PCDHA8: variants seen among roughly 807,000 people sequenced by gnomAD.
The protein encoded by PCDHA8 is protocadherin alpha-8.
Under a neutral mutation model 61.8 loss-of-function variants are expected in PCDHA8, and 53 were observed. The ratio of observed to expected loss-of-function variants is 0.86; its 90% CI spans 0.69 to 1.08. The LOEUF (loss-of-function observed/expected upper bound fraction) is 1.08. Ranked by LOEUF, PCDHA8 falls within the 50% of genes least tolerant of loss-of-function variation. The probability of loss-of-function intolerance (pLI) is 0.00; values close to 1 mark genes in which losing one functional copy is unlikely to be tolerated. For synonymous variants in PCDHA8, 618 were observed against 556.6 expected (o/e 1.11, Z -1.55); for missense variants, 1,293 against 1,245.0 (o/e 1.04, Z -0.58).
At position 140,877,685 on chromosome 5, in the gene PCDHA8, C is replaced by T. The variant is rs377753884; in HGVS notation, c.2394+33970C>T. On this transcript the variant is annotated intron_variant, in intron 1 of 3. Transcript: ENST00000531613. Reference sequence around the variant, plus strand: ...AGCCGGTGCGCGCCGGGCAAGCCCACGCTGGTGTGCTCCAGCGCCGTGGGG... The same window carrying T: ...AGCCGGTGCGCGCCGGGCAAGCCCATGCTGGTGTGCTCCAGCGCCGTGGGG... 3.4e-5 allele frequency: 55 copies of T among 1,613,628 alleles called. No homozygotes were observed. Among genetic ancestry groups the T allele is most frequent in the Non-Finnish European group, 4.6e-5 (54 of 1,179,904 alleles).
At chr5:141,000,412 TATATATA>T (rs1563651366) in intron 3 of PCDHA8, among the ~76,000 whole-genome samples, 7 of 102,770 alleles carry the variant, frequency 6.8e-5, no homozygotes, top group African/African-American at 2.7e-4. Context: ...TATATATATA[TATATATA>T]TATTTTTTTT....
chr5:140,921,151 A>AT (rs11299094), intron 1 of PCDHA8, among the ~76,000 whole-genome samples: 2 of 151,512 alleles, frequency 1.3e-5, no homozygotes. Context: ...CAGCTAATGC[A>AT]TTTTTTTTTT....
chr5:140,997,375 G>A (rs983164883), intron 3 of PCDHA8, among the ~76,000 whole-genome samples: 1 of 152,066 alleles, frequency 6.6e-6, no homozygotes, highest in Non-Finnish European at 1.5e-5. Flanking sequence ...AGATGATATA[G>A]CATACTACAC....
At chr5:140,972,415 A>G (rs1048437043) in intron 1 of PCDHA8, among the ~76,000 whole-genome samples, 2 of 152,138 alleles carry the variant, frequency 1.3e-5, no homozygotes, top group East Asian at 3.9e-4. Flanking sequence ...AACCCTGTTA[A>G]GATCTTTTAT....
At chr5:141,000,824 T>C (rs1477357302) in intron 3 of PCDHA8, among the ~76,000 whole-genome samples, 1 of 152,064 alleles carries the variant, frequency 6.6e-6, no homozygotes, top group Non-Finnish European at 1.5e-5. Context: ...GGAGGATCAC[T>C]TGAGTCCAGG....
chr5:140,883,032 C>T, intron 1 of PCDHA8: 1 of 1,614,064 alleles, frequency 6.2e-7, no homozygotes. Context: ...TTAGAGAACG[C>T]CTTCAATGGA....
At chr5:140,924,751 C>T (rs1554202122) in intron 1 of PCDHA8, among the ~76,000 whole-genome samples, 39 of 151,566 alleles carry the variant, frequency 2.6e-4, no homozygotes, top group Non-Finnish European at 5.2e-4. Context: ...AAAAATTAAC[C>T]GAGCATGGTG....
At chr5:140,867,674 T>C (rs1450203824) in intron 1 of PCDHA8, 1 of 152,128 alleles carries the variant, frequency 6.6e-6, no homozygotes, top group Non-Finnish European at 1.5e-5. Flanking sequence ...CTCTAAAATT[T>C]TGTTGCATCT....
intron 3 of PCDHA8, among the ~76,000 whole-genome samples, chr5:140,987,254 T>C (rs1358606591): frequency 1.3e-5 from 2 of 151,878 alleles, no homozygotes; most frequent in Non-Finnish European, 1.5e-5. Flanking sequence ...AAAGACATTC[T>C]CAGGAATGGG....
intron 1 of PCDHA8, chr5:140,852,045 G>A: frequency 2.2e-6 from 2 of 919,488 alleles, no homozygotes; most frequent in Non-Finnish European, 2.6e-6. Flanking sequence ...TTTTTGTTAT[G>A]TGGTTTATAT....
At chr5:140,905,408 C>G (rs1374273315) in intron 1 of PCDHA8, among the ~76,000 whole-genome samples, 1 of 152,142 alleles carries the variant, frequency 6.6e-6, no homozygotes, top group Non-Finnish European at 1.5e-5. Flanking sequence ...TATTTTTATA[C>G]CAGTACCATG....
chr5:140,964,812 T>C (rs2095855698), intron 1 of PCDHA8, among the ~76,000 whole-genome samples: 1 of 151,914 alleles, frequency 6.6e-6, no homozygotes, highest in Non-Finnish European at 1.5e-5. Flanking sequence ...GAGACAGGAA[T>C]AGATTTTGAT....
At chr5:140,958,192 C>G (rs1554223363) in intron 1 of PCDHA8, among the ~76,000 whole-genome samples, 1 of 151,790 alleles carries the variant, frequency 6.6e-6, no homozygotes, top group Non-Finnish European at 1.5e-5. Context: ...TGTTACTGGT[C>G]TAGTATACAA....
chr5:140,966,374 C>G (rs2095995934), intron 1 of PCDHA8: 1 of 405,056 alleles, frequency 2.5e-6, no homozygotes, highest in South Asian at 1.3e-4. Flanking sequence ...GCTGAGCAGT[C>G]CGGGTTCGCT....
Position 141,010,486 on chromosome 5 carries a change from A to C in PCDHA8, c.*549A>C. 1 of 674,072 alleles carries C rather than the reference A, an allele frequency of 1.5e-6. No individual in the cohort carries two copies. Among genetic ancestry groups the C allele is most frequent in the Non-Finnish European group, 2.3e-6 (1 of 434,544 alleles). The allele number at this position is 674,072 out of a possible 1,614,324, so 41.8% of individuals were successfully genotyped here. On this transcript the variant is annotated 3_prime_UTR_variant, in exon 4 of 4. Transcript: ENST00000531613. ...GTATGGAGGGGAAGTGTAAACTTAAAGGGACCAGACTTTCTAAATCTTACA... is the reference window on the plus strand; with the variant it reads ...GTATGGAGGGGAAGTGTAAACTTAACGGGACCAGACTTTCTAAATCTTACA...
At position 140,899,258 on chromosome 5, in the gene PCDHA8, T is replaced by C. The variant is rs1293804815; in HGVS notation, c.2394+55543T>C. On this transcript the variant is annotated intron_variant, in intron 1 of 3. Transcript: ENST00000531613. Reference sequence around the variant, plus strand: ...TAGGAGTGGTGAGAGAGGGCATCCCTGTCTTGTGGCAGTTTTCAAAGGGAA... The same window carrying C: ...TAGGAGTGGTGAGAGAGGGCATCCCCGTCTTGTGGCAGTTTTCAAAGGGAA... Among the ~76,000 whole-genome samples the C allele has an allele frequency of 3.7e-4, 56 of 152,282 alleles. No individual in the cohort carries two copies. In the South Asian group the frequency reaches 0.012, roughly 32 times the overall value.
At chr5:140,952,158 G>A (rs2094696814) in intron 1 of PCDHA8, among the ~76,000 whole-genome samples, 1 of 151,946 alleles carries the variant, frequency 6.6e-6, no homozygotes, top group Non-Finnish European at 1.5e-5. Flanking sequence ...GTGGCTTTGT[G>A]GGGTTCAGTT....
At chr5:140,921,988 A>G (rs1182214376) in intron 1 of PCDHA8, among the ~76,000 whole-genome samples, 1 of 152,132 alleles carries the variant, frequency 6.6e-6, no homozygotes, top group Non-Finnish European at 1.5e-5. Flanking sequence ...ACTAAAAAAG[A>G]GTTCAATGAA....
At chr5:140,885,930 AT>A (rs1188534786) in intron 1 of PCDHA8, among the ~76,000 whole-genome samples, 9 of 152,222 alleles carry the variant, frequency 5.9e-5, no homozygotes, top group Admixed American at 5.9e-4. Context: ...CTGTTTATCT[AT>A]TTTTTGACAT....
Sources: allele counts gnomAD v4.1 joint callset (sites outside exome capture counted in the v4.1 genomes callset), GRCh38; gene constraint gnomAD v4.1.1; transcripts MANE v1.5; gene names NCBI Gene and HGNC (gene_info 2026-07-23, HGNC 2026-07-21).